Variants in SNX15 observed in about 807,000 individuals in gnomAD.
SNX15 encodes the protein sorting nexin 15.
In SNX15, 29 loss-of-function variants were observed where a neutral mutation model predicts 35.2. The ratio of observed to expected loss-of-function variants is 0.82; its 90% CI spans 0.61 to 1.12. SNX15 has a LOEUF of 1.12. SNX15 is among the 50% of genes most tolerant of loss of function. The pLI, the probability that SNX15 is intolerant of heterozygous loss-of-function variation, is 0.00. For missense variants in SNX15, 400 were observed against 451.5 expected (o/e 0.89, Z 1.03); for synonymous variants, 189 against 188.2 (o/e 1.00, Z -0.03).
Position 65,027,446 on chromosome 11 carries a change from T to TC in SNX15, c.-92_-91insC. The TC allele has an allele frequency of 1.0e-6, 1 of 963,086 alleles. No homozygotes were observed. The highest frequency in any genetic ancestry group is 1.7e-6 in the Non-Finnish European group (1 of 594,644). The allele number at this position is 963,086 out of a possible 1,614,324, so 59.7% of individuals were successfully genotyped here. On this transcript the variant is annotated 5_prime_UTR_variant, in exon 1 of 8. Coordinates refer to ENST00000377244, the MANE Select transcript of SNX15 (RefSeq NM_013306.5). ...GGCCAGAGGAAGAAGAGCGCAGGCC[T>TC]GGCGAGGCGGCGGCGGGCGGAGGCT...
In SNX15 at chr11:65,032,434, G is replaced by A. The variant is rs771986429; in HGVS notation, c.139G>A (p.Val47Met). 7 of 1,614,150 alleles carry A rather than the reference G, an allele frequency of 4.3e-6. No homozygotes were observed. The East Asian group carries it at 1.3e-4, about 31-fold the overall frequency. Residue 47 changes from valine (V) to methionine (M), a missense_variant, in exon 3 of 8, where the codon GTG (valine) becomes ATG (methionine). Physicochemically the swap from Val to Met is conservative, Grantham distance 21. Coordinates refer to ENST00000377244, the MANE Select transcript of SNX15 (RefSeq NM_013306.5). ...GCAAGTCTCATGTACCTCATAGGTGGTGGTCTGGAAGCGGTACAGCGACTT... is the reference window on the plus strand; with the variant it reads ...GCAAGTCTCATGTACCTCATAGGTGATGGTCTGGAAGCGGTACAGCGACTT... ...KKDPEDVKEV[V>M]VWKRYSDFRK...
At position 65,035,129 on chromosome 11, in the gene SNX15, C is replaced by T. The variant is rs1946485632; in HGVS notation, c.443C>T (p.Thr148Ile). 1 of 1,599,490 alleles carries T rather than the reference C, an allele frequency of 6.3e-7. No individual in the cohort carries two copies. Among genetic ancestry groups the T allele is most frequent in the Non-Finnish European group, 8.5e-7 (1 of 1,173,438 alleles). ...LHILPPPLIP[T>I]PPPDDPRLSQ... ...ATCCTGCCACCCCCTCTGATCCCCACCCCGCCCCCTGATGACCCCCGGCTA... is the reference window on the plus strand; with the variant it reads ...ATCCTGCCACCCCCTCTGATCCCCATCCCGCCCCCTGATGACCCCCGGCTA... Residue 148 changes from threonine (T) to isoleucine (I), a missense_variant, in exon 5 of 8, where the codon ACC becomes ATC. Transcript: ENST00000377244.
chr11:65,039,926 A>C lies in SNX15; in HGVS notation c.*134A>C. On this transcript the variant is annotated 3_prime_UTR_variant, in exon 8 of 8. Transcript: ENST00000377244. ...TGTAGGTAACTGGACCAAGAATGAG[A>C]AAAATAATGAATTCTTAGCTCCCTG... 1 of 592,752 alleles carries C rather than the reference A, an allele frequency of 1.7e-6. No individual in the cohort carries two copies. Among genetic ancestry groups the C allele is most frequent in the East Asian group, 2.9e-5 (1 of 34,968 alleles). 36.7% of individuals were successfully genotyped at this position (592,752 alleles called of 1,614,324 possible).
chr11:65,032,013 C>T lies in SNX15; in HGVS notation c.100-155C>T, dbSNP rs550090312. On this transcript the variant is annotated intron_variant, in intron 1 of 7. Coordinates refer to ENST00000377244, the MANE Select transcript of SNX15 (RefSeq NM_013306.5). ...TAGGAAAAGTTGCTAAAATTACACG[C>T]GAAGGCTTAAAGCCAGGGTGCCTTG... Among the ~76,000 whole-genome samples the T allele has an allele frequency of 7.2e-5, 11 of 152,302 alleles. No homozygotes were observed. In the East Asian group the frequency reaches 1.4e-3, roughly 19 times the overall value.
In SNX15 at chr11:65,039,702, C is replaced by T; in HGVS notation, c.939C>T (p.Ala313=). The part of the protein sequence containing the change: ...LQGVPSDPLP[A]RQEGVKKKAA... ...TCTCCACAGGTGACCCGTTGCCTGC[C>T]CGCCAGGAAGGTGTGAAGAAGAAGG... Residue 313 remains alanine, a synonymous_variant, in exon 8 of 8, where the codon GCC becomes GCT. Transcript: ENST00000377244. 1 of 1,613,178 alleles carries T rather than the reference C, an allele frequency of 6.2e-7. No homozygotes were observed. Among genetic ancestry groups the T allele is most frequent in the Non-Finnish European group, 8.5e-7 (1 of 1,179,574 alleles).
chr11:65,039,462 TCCAC>T (rs1213925066), intron 7 of SNX15, among the ~76,000 whole-genome samples: 1 of 152,142 alleles, frequency 6.6e-6, no homozygotes, highest in Non-Finnish European at 1.5e-5. Flanking sequence ...GACCTCGTGA[TCCAC>T]CCACCTCGGC....
intron 5 of SNX15, 36 bp downstream of exon 5, chr11:65,035,242 G>A: frequency 1.3e-6 from 2 of 1,531,286 alleles, no homozygotes; most frequent in Non-Finnish European, 1.7e-6. Context: ...CAGGGCTGGA[G>A]GGTGCAGAGT....
At chr11:65,028,859 C>T (rs893475895) in intron 1 of SNX15, among the ~76,000 whole-genome samples, 6 of 151,694 alleles carry the variant, frequency 4.0e-5, no homozygotes, top group Admixed American at 2.0e-4. Flanking sequence ...TTTGGGAGGC[C>T]GAGGCGGGCG....
intron 1 of SNX15, among the ~76,000 whole-genome samples, chr11:65,030,491 C>A (rs2136927771): frequency 6.7e-6 from 1 of 148,150 alleles, no homozygotes; most frequent in Non-Finnish European, 1.5e-5. Context: ...CCCACCGTAC[C>A]TGGCCTATAA....
chr11:65,036,166 A>T (rs374245624), intron 6 of SNX15: 1 of 152,932 alleles, frequency 6.5e-6, no homozygotes, highest in Non-Finnish European at 1.5e-5. Flanking sequence ...GGCCCCCCCA[A>T]TGGAGGTCAG....
intron 2 of SNX15, 105 bp downstream of exon 2, chr11:65,032,308 G>A (rs1590739134): frequency 6.3e-7 from 1 of 1,578,156 alleles, no homozygotes; most frequent in Non-Finnish European, 8.7e-7. Context: ...CTTCCTCCCT[G>A]TCCCTGGGCG....
intron 1 of SNX15, among the ~76,000 whole-genome samples, chr11:65,028,350 T>C (rs1946398291): frequency 6.6e-6 from 1 of 152,172 alleles, no homozygotes; most frequent in African/African-American, 2.4e-5. Context: ...GAAGACTTTT[T>C]ACTGTAAATT....
At position 65,035,614 on chromosome 11, in the gene SNX15, C is replaced by T; in HGVS notation, c.615C>T (p.Gly205=). 6.2e-7 allele frequency: 1 copy of T among 1,613,816 alleles called. No individual in the cohort carries two copies. The highest frequency in any genetic ancestry group is 8.5e-7 in the Non-Finnish European group (1 of 1,179,832). ...TEEASGSPAR[G]PLTEAELALF... ...AGGCATCTGGTTCCCCTGCCCGAGG[C>T]CCCCTCACCGAGGCTGAGCTTGCCC... The change falls in exon 6 of 8, where the codon GGC becomes GGT. Residue 205 remains glycine, a synonymous_variant. Coordinates refer to ENST00000377244, the MANE Select transcript of SNX15 (RefSeq NM_013306.5).
chr11:65,028,383 A>G (rs1226254684), intron 1 of SNX15, among the ~76,000 whole-genome samples: 1 of 152,238 alleles, frequency 6.6e-6, no homozygotes, highest in Non-Finnish European at 1.5e-5. Context: ...AGAATTTTCA[A>G]CCAGGCGACT....
intron 6 of SNX15, chr11:65,038,139 C>A: frequency 2.3e-6 from 1 of 434,158 alleles, no homozygotes; most frequent in Non-Finnish European, 3.1e-6. Flanking sequence ...TGCAAGGCTT[C>A]AGAAAACCCC....
chr11:65,027,766 T>G (rs905325612), intron 1 of SNX15, 130 bp downstream of exon 1: 41 of 689,194 alleles, frequency 5.9e-5, no homozygotes, highest in Middle Eastern at 2.7e-4. Flanking sequence ...TAAGGGGAGG[T>G]TGCAGTACGA....
At chr11:65,035,013 A>T (rs754490190) in intron 4 of SNX15, 46 bp from the exon 5 acceptor site, 1 of 1,613,676 alleles carries the variant, frequency 6.2e-7, no homozygotes, top group South Asian at 1.1e-5. Flanking sequence ...CCCACCCACC[A>T]GATTGCACCC....
In SNX15 at chr11:65,034,931, A is replaced by G. The variant is rs1408367799; in HGVS notation, c.341A>G (p.Asn114Ser). 1.9e-6 allele frequency: 3 copies of G among 1,614,088 alleles called. No individual in the cohort carries two copies. Among genetic ancestry groups the G allele is most frequent in the Non-Finnish European group, 2.5e-6 (3 of 1,179,958 alleles). Residue 114 changes from asparagine (N) to serine (S), a missense_variant, in exon 4 of 8, where the codon AAC becomes AGC. Physicochemically the swap from Asn to Ser is conservative, Grantham distance 46. Transcript: ENST00000377244. ...TTCACTGTGCACATACCTGCGCTCA[A>G]CAACAGCCCCCAGCTCAAGGAGTTC... is the stretch of plus-strand genomic sequence containing the variant. ...LRFTVHIPAL[N>S]NSPQLKEFFR...
chr11:65,039,573 G>T, intron 7 of SNX15, 113 bp from the exon 8 acceptor site: 1 of 643,562 alleles, frequency 1.6e-6, no homozygotes, highest in South Asian at 1.9e-5. Context: ...CTGGGCCCCA[G>T]AGAGGAGGGA....
Sources: gnomAD v4.1 joint callset for allele counts (sites outside exome capture counted in the v4.1 genomes callset) on GRCh38, gnomAD v4.1.1 for gene constraint, MANE v1.5 for transcripts, NCBI Gene and HGNC (gene_info 2026-07-23, HGNC 2026-07-21) for gene names.